Variants in NUP188 observed in about 807,000 individuals in gnomAD.
NUP188 encodes nucleoporin NUP188.
A neutral mutation model predicts 223.0 loss-of-function variants in NUP188; 97 were observed. The observed-to-expected ratio is 0.43, with a 90% CI of 0.37 to 0.51. The LOEUF is 0.51. Among genes scored for constraint, NUP188 ranks in the 20% least tolerant of loss-of-function variants. The pLI is 0.00. For synonymous variants in NUP188, 869 were observed against 828.0 expected (o/e 1.05, Z -0.85); for missense variants, 1,947 against 2,175.6 (o/e 0.89, Z 2.09).
intron 8 of NUP188, among the ~76,000 whole-genome samples, chr9:128,964,028 A>T (rs1482880077): frequency 2.6e-5 from 4 of 151,808 alleles, no homozygotes; most frequent in African/African-American, 9.7e-5. Context: ...GTTAGCCAGG[A>T]TGGTCTCAAT....
At chr9:128,982,251 A>T (rs886586211) in intron 15 of NUP188, among the ~76,000 whole-genome samples, 3 of 151,996 alleles carry the variant, frequency 2.0e-5, no homozygotes, top group African/African-American at 7.2e-5. Context: ...GTCAACATGG[A>T]AAACCCCATC....
chr9:128,990,461 C>T (rs912515375), intron 25 of NUP188, among the ~76,000 whole-genome samples: 5 of 152,160 alleles, frequency 3.3e-5, no homozygotes, highest in African/African-American at 1.2e-4. Flanking sequence ...CGTGCGGTGG[C>T]TCATGCCTGT....
intron 26 of NUP188, 46 bp downstream of exon 26, chr9:128,993,449 G>A (rs1842464535): frequency 6.2e-7 from 1 of 1,610,328 alleles, no homozygotes; most frequent in Admixed American, 1.7e-5. Context: ...CTCACTGGGA[G>A]GCAGATGCTG....
chr9:128,990,295 C>T (rs1278887548), intron 25 of NUP188, 69 bp downstream of exon 25: 1 of 1,221,440 alleles, frequency 8.2e-7, no homozygotes, highest in Admixed American at 1.7e-5. Context: ...TTACAAAAGA[C>T]ATGCTCAGGC....
At chr9:129,002,740 C>T (rs1279623673) in intron 36 of NUP188, 77 bp from the exon 37 acceptor site, 1 of 1,468,078 alleles carries the variant, frequency 6.8e-7, no homozygotes, top group African/African-American at 1.4e-5. Context: ...CGCAGCTGGG[C>T]TGCCTTAGTT....
intron 8 of NUP188, 35 bp from the exon 9 acceptor site, chr9:128,968,471 A>G (rs569322141): frequency 2.0e-6 from 3 of 1,513,468 alleles, no homozygotes; most frequent in Non-Finnish European, 9.2e-7. Context: ...ATCTCATGTT[A>G]TTTCTCTCCC....
chr9:128,951,572 A>T (rs934409551), intron 2 of NUP188, among the ~76,000 whole-genome samples: 1 of 152,188 alleles, frequency 6.6e-6, no homozygotes, highest in African/African-American at 2.4e-5. Context: ...GGAATGGTAA[A>T]TGAATTATGA....
chr9:128,959,190 C>G (rs1841911081), intron 8 of NUP188, 56 bp downstream of exon 8: 2 of 1,418,812 alleles, frequency 1.4e-6, no homozygotes, highest in East Asian at 2.5e-5. Flanking sequence ...GAGTTTCCCT[C>G]TGTCACCCAG....
chr9:128,999,147 C>G (rs369883138), intron 32 of NUP188, 25 bp from the exon 33 acceptor site: 61 of 1,610,944 alleles, frequency 3.8e-5, no homozygotes, highest in Non-Finnish European at 4.9e-5. Context: ...GCCACCACGC[C>G]TGGCCCACCC....
intron 33 of NUP188, 121 bp downstream of exon 33, chr9:128,999,438 T>TG: frequency 1.5e-6 from 2 of 1,367,010 alleles, no homozygotes. Context: ...TTTCCAGTCA[T>TG]GGAATTCTTA....
intron 22 of NUP188, 82 bp from the exon 23 acceptor site, chr9:128,987,507 C>T (rs1408485145): frequency 1.4e-6 from 2 of 1,443,112 alleles, no homozygotes; most frequent in East Asian, 2.3e-5. Flanking sequence ...AGGTTAGCCA[C>T]CCTAGCCTAA....
chr9:128,979,318 C>G lies in NUP188; in HGVS notation c.1260C>G (p.Phe420Leu). The G allele has an allele frequency of 1.2e-6, 2 of 1,610,452 alleles. No homozygotes were observed. Among genetic ancestry groups the G allele is most frequent in the Non-Finnish European group, 1.7e-6 (2 of 1,177,110 alleles). ...CCGACCCTTCTCTTCCGGAACTGTT[C>G]TGGGGAACAGTAAGTATGTCAGAGA... The part of the protein sequence containing the change: ...VLADPSLPEL[F>L]WGTEPTSGLG... Residue 420 changes from phenylalanine (F) to leucine (L), a missense_variant, in exon 13 of 44, where the codon TTC (phenylalanine) becomes TTG (leucine). Physicochemically the swap from Phe to Leu is conservative, Grantham distance 22. Around this residue, in one of 3 missense-constraint regions of NUP188, gnomAD observed 817 missense variants for 865.8 expected, o/e 0.94. Coordinates refer to ENST00000372577, the MANE Select transcript of NUP188 (RefSeq NM_015354.3).
At chr9:128,995,297 A>T in intron 29 of NUP188, 22 bp from the exon 30 acceptor site, 1 of 1,592,040 alleles carries the variant, frequency 6.3e-7, no homozygotes, top group Non-Finnish European at 8.6e-7. Flanking sequence ...ATCTAACTGG[A>T]GGTTTTTTCT....
Position 128,995,530 on chromosome 9 carries a change from G to A in NUP188, c.3351+16G>A, listed in dbSNP as rs763069754. The stretch of plus-strand genomic sequence containing the variant: ...CACCACTCATGTAAGACCCTTTTGG[G>A]GAGAGTTTTCACTTTGGTACCTTAG... On this transcript the variant is annotated intron_variant, in intron 30 of 43. Coordinates refer to ENST00000372577, the MANE Select transcript of NUP188 (RefSeq NM_015354.3). 1.3e-6 allele frequency: 2 copies of A among 1,557,888 alleles called. No homozygotes were observed. Among genetic ancestry groups the A allele is most frequent in the Non-Finnish European group, 1.7e-6 (2 of 1,154,478 alleles).
At chr9:128,987,175 G>A (rs181411078) in intron 22 of NUP188, among the ~76,000 whole-genome samples, 55 of 146,256 alleles carry the variant, frequency 3.8e-4, no homozygotes, top group Admixed American at 1.3e-3. Context: ...CTTTATGATC[G>A]TTACAAAAGT....
chr9:128,948,026 C>G (rs1841714654), intron 1 of NUP188: 1 of 352,026 alleles, frequency 2.8e-6, no homozygotes, highest in South Asian at 1.5e-4. Flanking sequence ...TTCCTCCTCT[C>G]TCACCTCCGA....
At chr9:128,962,807 T>C (rs900263471) in intron 8 of NUP188, among the ~76,000 whole-genome samples, 1 of 152,226 alleles carries the variant, frequency 6.6e-6, no homozygotes, top group African/African-American at 2.4e-5. Flanking sequence ...TTTGATAATA[T>C]CTAAAAATTT....
intron 38 of NUP188, 133 bp downstream of exon 38, chr9:129,003,587 G>A: frequency 1.9e-6 from 2 of 1,076,420 alleles, no homozygotes; most frequent in African/African-American, 3.1e-5. Flanking sequence ...GGGAGCACAG[G>A]GTTTGCTGTC....
chr9:128,990,485 T>C (rs975242235), intron 25 of NUP188, among the ~76,000 whole-genome samples: 1 of 152,120 alleles, frequency 6.6e-6, no homozygotes, highest in African/African-American at 2.4e-5. Context: ...TCCAGCACTT[T>C]GGGAGGCTGA....
Sources: allele counts gnomAD v4.1 joint callset (sites outside exome capture counted in the v4.1 genomes callset), GRCh38; gene constraint gnomAD v4.1.1; regional missense constraint gnomAD v4.1.1; transcripts MANE v1.5; gene names NCBI Gene and HGNC (gene_info 2026-07-23, HGNC 2026-07-21).